Variants in ADCY9 observed in about 807,000 individuals in gnomAD.
The protein encoded by ADCY9 is adenylate cyclase 9.
A neutral mutation model predicts 101.5 loss-of-function variants in ADCY9; 50 were observed. That is an observed-to-expected ratio of 0.49 (90% CI 0.39 to 0.62). ADCY9 has a LOEUF of 0.62. Among genes scored for constraint, ADCY9 ranks in the 20% least tolerant of loss-of-function variants. The pLI is 0.00. For synonymous variants in ADCY9, 905 were observed against 769.3 expected (o/e 1.18, Z -2.92); for missense variants, 1,662 against 1,800.4 (o/e 0.92, Z 1.39).
intron 2 of ADCY9, among the ~76,000 whole-genome samples, chr16:4,051,034 G>A (rs2056697846): frequency 6.6e-6 from 1 of 151,808 alleles, no homozygotes; most frequent in Admixed American, 6.6e-5. Context: ...CCAACATGGT[G>A]AAACCCCATC....
intron 2 of ADCY9, among the ~76,000 whole-genome samples, chr16:4,086,295 T>C (rs536503099): frequency 6.6e-6 from 1 of 152,066 alleles, no homozygotes; most frequent in South Asian, 2.1e-4. Context: ...AGAGGGTCCA[T>C]TGCAAGCAAG....
chr16:3,970,800 G>A (rs951885771), intron 10 of ADCY9, among the ~76,000 whole-genome samples: 8 of 152,332 alleles, frequency 5.3e-5, no homozygotes, highest in South Asian at 4.1e-4. Context: ...TGGCTGGACC[G>A]CGGGGGAGTT....
chr16:4,021,587 G>A lies in ADCY9; in HGVS notation c.1694-14029C>T, dbSNP rs572623497. Reference sequence around the variant, plus strand: ...GCTAGGAGAGTATCAGAGGCCAAACGCCTGCCCCCTGCTTCTGGGCTCCAC... The same window carrying A: ...GCTAGGAGAGTATCAGAGGCCAAACACCTGCCCCCTGCTTCTGGGCTCCAC... On this transcript the variant is annotated intron_variant, in intron 2 of 10. Transcript: ENST00000294016. 7.2e-5 allele frequency among the ~76,000 whole-genome samples: 11 copies of A among 152,296 alleles called. No individual in the cohort carries two copies. In the South Asian group the frequency reaches 8.3e-4, roughly 11 times the overall value.
chr16:4,050,075 G>A (rs1474124752), intron 2 of ADCY9, among the ~76,000 whole-genome samples: 1 of 151,918 alleles, frequency 6.6e-6, no homozygotes, highest in Non-Finnish European at 1.5e-5. Context: ...GTTGGGGGCC[G>A]AAGTGGGGGT....
chr16:4,034,108 G>C (rs754543876), intron 2 of ADCY9, among the ~76,000 whole-genome samples: 26 of 152,190 alleles, frequency 1.7e-4, no homozygotes, highest in Non-Finnish European at 3.8e-4. Context: ...CTGCAGATCA[G>C]AGACCACGTG....
chr16:4,013,423 A>AAAAAGAAAAAAAAATT (rs1472871014), intron 2 of ADCY9, among the ~76,000 whole-genome samples: 1 of 152,174 alleles, frequency 6.6e-6, no homozygotes, highest in African/African-American at 2.4e-5. Flanking sequence ...CTCCGTCTCA[A>AAAAAGAAAAAAAAATT]AAAAGAAAAA....
intron 2 of ADCY9, among the ~76,000 whole-genome samples, chr16:4,014,637 G>A (rs1466144054): frequency 6.6e-6 from 1 of 151,868 alleles, no homozygotes; most frequent in Non-Finnish European, 1.5e-5. Context: ...TAGCAGAGAG[G>A]GGGTTTTGCC....
chr16:3,979,359 C>T (rs565782362), intron 7 of ADCY9, 84 bp from the exon 8 acceptor site: 31 of 1,496,556 alleles, frequency 2.1e-5, no homozygotes, highest in Non-Finnish European at 2.6e-5. Context: ...CCGCAGCCAG[C>T]GCCGCCCTCT....
chr16:4,003,305 C>T (rs1597158018), intron 3 of ADCY9, among the ~76,000 whole-genome samples: 2 of 152,138 alleles, frequency 1.3e-5, no homozygotes, highest in Admixed American at 6.5e-5. Context: ...GAGTCAGTGA[C>T]TTCCTGCAGG....
At chr16:3,969,401 T>A (rs1192036434) in intron 10 of ADCY9, among the ~76,000 whole-genome samples, 6 of 148,862 alleles carry the variant, frequency 4.0e-5, no homozygotes, top group Non-Finnish European at 8.9e-5. Flanking sequence ...GCCCAGCTAA[T>A]TTTTGTATTT....
At position 3,983,366 on chromosome 16, in the gene ADCY9, G is replaced by A; in HGVS notation, c.2385C>T (p.Thr795=). 6.2e-7 allele frequency: 1 copy of A among 1,605,422 alleles called. No homozygotes were observed. The highest frequency in any genetic ancestry group is 1.1e-5 in the South Asian group (1 of 89,572). ...FSSLLDVFLS[T]TVFLTLSTTC... ...TGGTGGACAGCGTCAGAAACACTGT[G>A]GTCGACAGAAACACATCCAGGAGGG... Residue 795 remains threonine, a synonymous_variant, in exon 7 of 11, where the codon ACC becomes ACT. Transcript: ENST00000294016.
intron 2 of ADCY9, among the ~76,000 whole-genome samples, chr16:4,065,887 A>G (rs2056798199): frequency 6.6e-6 from 1 of 151,814 alleles, no homozygotes; most frequent in African/African-American, 2.4e-5. Flanking sequence ...TATTTTTAGT[A>G]GAGACTGGGT....
intron 2 of ADCY9, among the ~76,000 whole-genome samples, chr16:4,049,978 C>A (rs1033419916): frequency 2.0e-5 from 3 of 151,570 alleles, no homozygotes; most frequent in Non-Finnish European, 2.9e-5. Flanking sequence ...CTGCAGTGAG[C>A]CGAGATCACA....
In ADCY9 at chr16:3,992,714, G is replaced by C. The variant is rs568581322; in HGVS notation, c.1990-351C>G. Reference sequence around the variant, plus strand: ...TGCTTAGGCCAGAACCACGGTTCTGGGAGCAGGGTGCATGGGTCGGGGGTC... The same window carrying C: ...TGCTTAGGCCAGAACCACGGTTCTGCGAGCAGGGTGCATGGGTCGGGGGTC... On this transcript the variant is annotated intron_variant, in intron 4 of 10. Coordinates refer to ENST00000294016, the MANE Select transcript of ADCY9 (RefSeq NM_001116.4). This position sits in a 1 kb window ranked among gnomAD's most constrained non-coding sequence, Gnocchi z 4.2. Among the ~76,000 whole-genome samples, 1 of 152,234 alleles carries C rather than the reference G, an allele frequency of 6.6e-6. No individual in the cohort carries two copies. Among genetic ancestry groups the C allele is most frequent in the African/African-American group, 2.4e-5 (1 of 41,552 alleles).
intron 2 of ADCY9, among the ~76,000 whole-genome samples, chr16:4,063,329 G>A (rs1346110890): frequency 1.3e-5 from 2 of 151,932 alleles, no homozygotes; most frequent in Non-Finnish European, 1.5e-5. Context: ...CAAAATTTAG[G>A]ATGCAGCTAT....
chr16:3,961,947 AC>A (rs1015971584), downstream of ADCY9, among the ~76,000 whole-genome samples: 3 of 151,918 alleles, frequency 2.0e-5, no homozygotes, highest in Admixed American at 2.0e-4. Flanking sequence ...AATTGATTGA[AC>A]CCAGGAGGCA....
chr16:4,060,218 G>A (rs1306182366), intron 2 of ADCY9, among the ~76,000 whole-genome samples: 1 of 152,228 alleles, frequency 6.6e-6, no homozygotes, highest in Non-Finnish European at 1.5e-5. Flanking sequence ...CAGATCAGGA[G>A]ACCAGCCAAA....
At chr16:4,062,783 C>T (rs975293854) in intron 2 of ADCY9, among the ~76,000 whole-genome samples, 2 of 152,144 alleles carry the variant, frequency 1.3e-5, no homozygotes, top group African/African-American at 4.8e-5. Flanking sequence ...AAAGGGTCAA[C>T]TCATGAGGAA....
chr16:4,059,379 GAA>G (rs1555441793), intron 2 of ADCY9, among the ~76,000 whole-genome samples: 7 of 118,482 alleles, frequency 5.9e-5, no homozygotes, highest in Admixed American at 9.5e-5. Context: ...AGAATCCATC[GAA>G]AAAAAAAAAA....
Sources: allele counts gnomAD v4.1 joint callset (sites outside exome capture counted in the v4.1 genomes callset), GRCh38; gene constraint gnomAD v4.1.1; non-coding constraint Gnocchi (gnomAD v3.1); transcripts MANE v1.5; gene names NCBI Gene and HGNC (gene_info 2026-07-23, HGNC 2026-07-21).